The following DNAJC10 variants were observed in gnomAD, a reference collection of about 807,000 sequenced individuals.
The protein encoded by DNAJC10 is endoplasmic reticulum disulfide reductase DNAJC10.
A neutral mutation model predicts 115.0 loss-of-function variants in DNAJC10; 101 were observed. The observed-to-expected ratio is 0.88, with a 90% CI of 0.75 to 1.04. The LOEUF (loss-of-function observed/expected upper bound fraction) is 1.04. DNAJC10 is among the 50% of genes least tolerant of loss of function. The pLI, the probability that DNAJC10 is intolerant of heterozygous loss-of-function variation, is 0.00. For synonymous variants in DNAJC10, 307 were observed against 301.5 expected (o/e 1.02, Z -0.19); for missense variants, 981 against 928.8 (o/e 1.06, Z -0.73).
At chr2:182,753,436 A>C (rs776399709) in intron 16 of DNAJC10, among the ~76,000 whole-genome samples, 1 of 152,144 alleles carries the variant, frequency 6.6e-6, no homozygotes, top group Non-Finnish European at 1.5e-5. Flanking sequence ...TAGAAATTTC[A>C]TTAAAATACA....
intron 5 of DNAJC10, among the ~76,000 whole-genome samples, chr2:182,727,443 C>A (rs1050435598): frequency 1.3e-5 from 2 of 152,008 alleles, no homozygotes; most frequent in Non-Finnish European, 2.9e-5. Context: ...ATATTTTTAC[C>A]TAAATTTGTA....
In DNAJC10 at chr2:182,781,104, T is replaced by A. The variant is rs549537396; in HGVS notation, c.*3972T>A. On this transcript the variant is annotated 3_prime_UTR_variant, in exon 24 of 24. Coordinates refer to ENST00000264065, the MANE Select transcript of DNAJC10 (RefSeq NM_018981.4). ...TCTACATTAGCTATTTCTTCTAATG[T>A]TGTCCTTCCCCTTGCCCCCTACCCC... The A allele has an allele frequency of 1.3e-5, 2 of 152,238 alleles. No homozygotes were observed. Among genetic ancestry groups the A allele is most frequent in the African/African-American group, 2.4e-5 (1 of 41,530 alleles). The allele number at this position is 152,238 out of a possible 1,614,324, so 9.4% of individuals were successfully genotyped here.
At chr2:182,740,123 T>A (rs909549672) in intron 11 of DNAJC10, 176 bp from the exon 12 acceptor site, 7 of 1,133,998 alleles carry the variant, frequency 6.2e-6, no homozygotes, top group Non-Finnish European at 7.8e-6. Flanking sequence ...ATAATATTTT[T>A]GATAATTGCC....
chr2:182,760,503 G>T (rs1223856492), intron 21 of DNAJC10, among the ~76,000 whole-genome samples: 2 of 152,068 alleles, frequency 1.3e-5, no homozygotes, highest in African/African-American at 4.8e-5. Flanking sequence ...CTTCCTGAGG[G>T]CAAAGTCCAT....
chr2:182,794,420 T>C lies in DNAJC10; in HGVS notation c.*17288T>C, dbSNP rs927227874. 7.2e-5 allele frequency: 11 copies of C among 152,224 alleles called. No homozygotes were observed. Among genetic ancestry groups the C allele is most frequent in the African/African-American group, 2.7e-4 (11 of 41,464 alleles). The allele number at this position is 152,224 out of a possible 1,614,324, so 9.4% of individuals were successfully genotyped here. ...TTGTCTTTGCAGTGAGCTATGTTTT[T>C]TTATAACATGTAGAAGTGAAATAAA... On this transcript the variant is annotated 3_prime_UTR_variant, in exon 24 of 24. Transcript: ENST00000264065.
chr2:182,754,140 A>T (rs1694098564), intron 16 of DNAJC10, among the ~76,000 whole-genome samples: 1 of 152,242 alleles, frequency 6.6e-6, no homozygotes, highest in Non-Finnish European at 1.5e-5. Flanking sequence ...GAGAAACTAC[A>T]TGTTAAATGC....
At position 182,789,713 on chromosome 2, in the gene DNAJC10, ATAGTAATTCTATTTTT is replaced by A. The variant is rs1280817302; in HGVS notation, c.*12582_*12597del. 2 of 152,144 alleles carry A rather than the reference ATAGTAATTCTATTTTT, an allele frequency of 1.3e-5. No homozygotes were observed. The highest frequency in any genetic ancestry group is 2.9e-5 in the Non-Finnish European group (2 of 68,028). 9.4% of individuals were successfully genotyped at this position (152,144 alleles called of 1,614,324 possible). ...ATACCTAGAAGTGTAAGTCTATATC[ATAGTAATTCTATTTTT>A]AATATGGGGGGACCTCCATACTGTT... On this transcript the variant is annotated 3_prime_UTR_variant, in exon 24 of 24. Transcript: ENST00000264065.
At chr2:182,733,692 T>TTTC in intron 10 of DNAJC10, among the ~76,000 whole-genome samples, 1 of 150,304 alleles carries the variant, frequency 6.7e-6, no homozygotes, top group South Asian at 2.1e-4. Context: ...TTCTCAATTT[T>TTTC]TTTTTTTTTT....
Position 182,755,091 on chromosome 2 carries a change from T to TG in DNAJC10, c.1642dup (p.Glu548GlyfsTer35), listed in dbSNP as rs1246282180. 5 of 1,595,730 alleles carry TG rather than the reference T, an allele frequency of 3.1e-6. No homozygotes were observed. The highest frequency in any genetic ancestry group is 4.3e-6 in the Non-Finnish European group (5 of 1,163,478). On this transcript the variant is annotated frameshift_variant, in exon 17 of 24. Transcript: ENST00000264065. LOFTEE classifies it high-confidence loss of function. ...GGACATCACTCTGCTGAACAAATCT[T>TG]GGAGTTCATAGAGGTATTTCAGATT...
chr2:182,760,871 T>G (rs1694269819), intron 21 of DNAJC10, among the ~76,000 whole-genome samples: 1 of 152,212 alleles, frequency 6.6e-6, no homozygotes, highest in Non-Finnish European at 1.5e-5. Flanking sequence ...AAGAGGTTTA[T>G]TCTTTCCATT....
In DNAJC10 at chr2:182,783,552, C is replaced by T. The variant is rs567904466; in HGVS notation, c.*6420C>T. On this transcript the variant is annotated 3_prime_UTR_variant, in exon 24 of 24. Transcript: ENST00000264065. ...TTACAAAACATCTTCCCTTTCTTAT[C>T]ATGAAAATTATGAAGATGAGGTAAA... The T allele has an allele frequency of 6.6e-6, 1 of 152,248 alleles. No homozygotes were observed. The highest frequency in any genetic ancestry group is 1.5e-5 in the Non-Finnish European group (1 of 68,010). The allele number at this position is 152,248 out of a possible 1,614,324, so 9.4% of individuals were successfully genotyped here. A position where few individuals can be genotyped will look rare whatever the true frequency, so the allele number is the denominator to read the frequency against.
chr2:182,790,340 A>T lies in DNAJC10; in HGVS notation c.*13208A>T, dbSNP rs983872259. ...CTTCTAGCTTATTCGTTTAGTTTAC[A>T]TGACTTTCTGCATGTGAAACTTGAG... is the stretch of plus-strand genomic sequence containing the variant. On this transcript the variant is annotated 3_prime_UTR_variant, in exon 24 of 24. Transcript: ENST00000264065. The T allele has an allele frequency of 6.6e-6, 1 of 152,206 alleles. No individual in the cohort carries two copies. Among genetic ancestry groups the T allele is most frequent in the African/African-American group, 2.4e-5 (1 of 41,452 alleles). The allele number at this position is 152,206 out of a possible 1,614,324, so 9.4% of individuals were successfully genotyped here. A position where few individuals can be genotyped will look rare whatever the true frequency, so the allele number is the denominator to read the frequency against.
At chr2:182,740,557 G>C (rs954611885) in intron 12 of DNAJC10, among the ~76,000 whole-genome samples, 169 bp downstream of exon 12, 1 of 152,116 alleles carries the variant, frequency 6.6e-6, no homozygotes, top group Non-Finnish European at 1.5e-5. Flanking sequence ...TTGGATATCT[G>C]GTGTTGCTAA....
chr2:182,726,901 T>C (rs2105616827), intron 5 of DNAJC10, among the ~76,000 whole-genome samples: 1 of 142,074 alleles, frequency 7.0e-6, no homozygotes, highest in African/African-American at 3.1e-5. Context: ...CCAGCTATTT[T>C]TATAGAGACA....
intron 2 of DNAJC10, 55 bp from the exon 3 acceptor site, chr2:182,717,886 G>T: frequency 4.7e-6 from 2 of 425,284 alleles, no homozygotes; most frequent in South Asian, 1.0e-4. Flanking sequence ...TAAATAAATT[G>T]TGCTATTATT....
rs937647902 is a variant in DNAJC10 at position 182,789,768 on chromosome 2, G to A, written c.*12636G>A. 6 of 152,050 alleles carry A rather than the reference G, an allele frequency of 3.9e-5. No homozygotes were observed. Among genetic ancestry groups the A allele is most frequent in the Non-Finnish European group, 7.4e-5 (5 of 68,004 alleles). The allele number at this position is 152,050 out of a possible 1,614,324, so 9.4% of individuals were successfully genotyped here. ...CTCCATACTGTTTTTCATAGCAGCT[G>A]CACCATTTTACATTCCCACCAATAG... On this transcript the variant is annotated 3_prime_UTR_variant, in exon 24 of 24. Transcript: ENST00000264065.
intron 9 of DNAJC10, 40 bp from the exon 10 acceptor site, chr2:182,732,459 A>G: frequency 5.6e-6 from 9 of 1,607,544 alleles, no homozygotes; most frequent in South Asian, 1.1e-5. Context: ...ATCAGGCTTA[A>G]TAAAGGTAAA....
chr2:182,755,014 G>A lies in DNAJC10; in HGVS notation c.1563G>A (p.Gln521=), dbSNP rs1489773818. The A allele has an allele frequency of 6.3e-7, 1 of 1,594,920 alleles. No individual in the cohort carries two copies. The highest frequency in any genetic ancestry group is 1.7e-5 in the Admixed American group (1 of 59,972). Residue 521 remains glutamine (Q), a synonymous_variant, in exon 17 of 24, where the codon CAG becomes CAA. Transcript: ENST00000264065. ...HEGLCNMYNI[Q]AYPTTVVFNQ... ...CTCCTTCCTATCAGTATAACATTCA[G>A]GCTTATCCAACAACAGTGGTATTCA...
At chr2:182,759,345 T>A (rs1367911098) in intron 21 of DNAJC10, 38 bp downstream of exon 21, 7 of 1,567,700 alleles carry the variant, frequency 4.5e-6, no homozygotes, top group Admixed American at 2.2e-5. Flanking sequence ...GTAGCCACAT[T>A]CATGTTTTAG....
Sources: gnomAD v4.1 joint callset for allele counts (sites outside exome capture counted in the v4.1 genomes callset) on GRCh38, gnomAD v4.1.1 for gene constraint, MANE v1.5 for transcripts, NCBI Gene and HGNC (gene_info 2026-07-23, HGNC 2026-07-21) for gene names.